Variants in PPP6R1 observed in about 807,000 individuals in gnomAD.
PPP6R1 encodes serine/threonine-protein phosphatase 6 regulatory subunit 1.
A neutral mutation model predicts 104.6 loss-of-function variants in PPP6R1; 39 were observed. That is an observed-to-expected ratio of 0.37 (90% CI 0.29 to 0.49). The LOEUF (loss-of-function observed/expected upper bound fraction) is 0.49. Among genes scored for constraint, PPP6R1 ranks in the 20% least tolerant of loss-of-function variants. The probability of loss-of-function intolerance (pLI) is 0.98; values close to 1 mark genes in which losing one functional copy is unlikely to be tolerated. For synonymous variants in PPP6R1, 549 were observed against 479.0 expected (o/e 1.15, Z -1.91); for missense variants, 1,181 against 1,155.8 (o/e 1.02, Z -0.32).
At chr19:55,234,041 C>A (rs2087372811) in intron 17 of PPP6R1, among the ~76,000 whole-genome samples, 1 of 152,172 alleles carries the variant, frequency 6.6e-6, no homozygotes, top group East Asian at 1.9e-4. Context: ...CCTCTGCCTG[C>A]CAGGTTCAAG....
chr19:55,246,475 C>T (rs1187065484), intron 2 of PPP6R1, among the ~76,000 whole-genome samples: 3 of 150,722 alleles, frequency 2.0e-5, no homozygotes, highest in Non-Finnish European at 4.4e-5. Flanking sequence ...AGTAAAGTGT[C>T]TTCAATAGCA....
At chr19:55,257,773 C>G (rs999062013) in intron 1 of PPP6R1, among the ~76,000 whole-genome samples, 3 of 152,212 alleles carry the variant, frequency 2.0e-5, no homozygotes, top group Non-Finnish European at 4.4e-5. Context: ...CAGGGACCGG[C>G]CCCACCTCCA....
At chr19:55,240,444 A>T in intron 10 of PPP6R1, 144 bp from the exon 11 acceptor site, 1 of 763,158 alleles carries the variant, frequency 1.3e-6, no homozygotes. Context: ...GGAGGGATGC[A>T]AGCTGGGGCT....
Position 55,242,255 on chromosome 19 carries a change from T to G in PPP6R1, c.756A>C (p.Leu252Phe). ...LEKQETIEQLLSNMFEGEQSQ... is the reference protein window; with the variant it reads ...LEKQETIEQLFSNMFEGEQSQ... Reference sequence around the variant, plus strand: ...TCTGCTCCCCCTCGAACATGTTGCTTAAGAGCTGCTCAATCGTCTCCTGCC... The same window carrying G: ...TCTGCTCCCCCTCGAACATGTTGCTGAAGAGCTGCTCAATCGTCTCCTGCC... The change falls in exon 7 of 24, where the codon TTA becomes TTC. Residue 252 changes from leucine (L) to phenylalanine (F), a missense_variant. Leu to Phe is a conservative substitution (Grantham distance 22). Around this residue, in one of 2 missense-constraint regions of PPP6R1, gnomAD observed 1,042 missense variants for 955.6 expected, o/e 1.09. Coordinates refer to ENST00000412770, the MANE Select transcript of PPP6R1 (RefSeq NM_014931.4). 1.2e-6 allele frequency: 2 copies of G among 1,613,796 alleles called. No homozygotes were observed. Among genetic ancestry groups the G allele is most frequent in the Non-Finnish European group, 1.7e-6 (2 of 1,179,850 alleles).
At chr19:55,247,420 C>G in intron 1 of PPP6R1, 1 of 394,350 alleles carries the variant, frequency 2.5e-6, no homozygotes, top group Non-Finnish European at 4.7e-6. Context: ...CCTGAGGCCT[C>G]AGGCCTGGTG....
rs760913678 is a variant in PPP6R1 at position 55,239,868 on chromosome 19, C to A, written c.1521G>T (p.Ser507=). ...TCTTGTTGGTCTCCGCCAGGGGCCC[C>A]GATACGAAGGCTTCCCACTGCTCCT... is the stretch of plus-strand genomic sequence containing the variant. ...EQQEQWEAFV[S]GPLAETNKKN... Residue 507 remains serine, a synonymous_variant, in exon 13 of 24, where the codon TCG becomes TCT. Transcript: ENST00000412770. The A allele has an allele frequency of 1.2e-6, 2 of 1,613,912 alleles. No homozygotes were observed. The highest frequency in any genetic ancestry group is 2.2e-5 in the East Asian group (1 of 44,874).
In PPP6R1 at chr19:55,241,532, T is replaced by G. The variant is rs2087457598; in HGVS notation, c.953A>C (p.His318Pro). The G allele has an allele frequency of 6.3e-7, 1 of 1,581,696 alleles. No individual in the cohort carries two copies. The highest frequency in any genetic ancestry group is 1.8e-5 in the Admixed American group (1 of 54,800). Residue 318 changes from histidine (H) to proline (P), a missense_variant, in exon 8 of 24, where the codon CAC becomes CCC. Physicochemically the swap from His to Pro is moderately conservative, Grantham distance 77 (BLOSUM62 -2). This residue lies in a region of PPP6R1 where 1,042 missense variants were observed against 955.6 expected (regional missense o/e 1.09). Transcript: ENST00000412770. This position sits in a 1 kb window ranked among gnomAD's most constrained non-coding sequence, Gnocchi z 5.4. ...GCAGCTGAGCCGCGGGCGTAGGGCGTGCAAGGCGCCCACACTGGACACAGT... is the reference window on the plus strand; with the variant it reads ...GCAGCTGAGCCGCGGGCGTAGGGCGGGCAAGGCGCCCACACTGGACACAGT... ...ESTVSSVGAL[H>P]ALRPRLSCFH...
chr19:55,232,187 C>T lies in PPP6R1; in HGVS notation c.2013G>A (p.Glu671=). The change falls in exon 18 of 24, where the codon GAG becomes GAA. Residue 671 remains glutamate (E), a synonymous_variant. Transcript: ENST00000412770. Reference sequence around the variant, plus strand: ...CCTCCTCGTCCTCCTCTTCTTCGTCCTCACTGTCTGTGCTGCCTCCACTCC... The same window carrying T: ...CCTCCTCGTCCTCCTCTTCTTCGTCTTCACTGTCTGTGCTGCCTCCACTCC... ...GVRSGGSTDS[E]DEEEEDEEEE... The T allele has an allele frequency of 1.3e-6, 2 of 1,558,968 alleles. No homozygotes were observed. The highest frequency in any genetic ancestry group is 1.7e-6 in the Non-Finnish European group (2 of 1,151,272).
intron 17 of PPP6R1, chr19:55,232,607 C>G (rs909715584): frequency 5.8e-6 from 1 of 173,468 alleles, no homozygotes; most frequent in Admixed American, 6.3e-5. Flanking sequence ...AGCAGGCCCA[C>G]CCTCTGGACA....
At chr19:55,228,987 G>A (rs2087312388), downstream of PPP6R1, 2 of 492,574 alleles carry the variant, frequency 4.1e-6, no homozygotes, top group East Asian at 3.3e-5. Context: ...CCTCCTATCT[G>A]CCTGGGGAGG....
chr19:55,247,472 G>A (rs1235355235), intron 1 of PPP6R1: 1 of 253,878 alleles, frequency 3.9e-6, no homozygotes, highest in Non-Finnish European at 7.7e-6. Context: ...TGCGAGAAGA[G>A]GCTGGACCCT....
intron 1 of PPP6R1, among the ~76,000 whole-genome samples, chr19:55,249,624 C>T (rs531191852): frequency 5.9e-5 from 9 of 152,188 alleles, no homozygotes; most frequent in East Asian, 2.0e-4. Flanking sequence ...GCAGATCACC[C>T]GGGGTCAGGA....
intron 1 of PPP6R1, among the ~76,000 whole-genome samples, chr19:55,247,699 G>A (rs997864798): frequency 3.3e-5 from 5 of 152,216 alleles, no homozygotes; most frequent in African/African-American, 7.2e-5. Context: ...GGCATGGGGC[G>A]GCGGCAGGGG....
In PPP6R1 at chr19:55,258,425, G is replaced by A. The variant is rs898603342; in HGVS notation, c.-7+10C>T. On this transcript the variant is annotated intron_variant, in intron 1 of 23. Coordinates refer to ENST00000412770, the MANE Select transcript of PPP6R1 (RefSeq NM_014931.4). ...TGGAGAGAGAGGGTCGGGCGACGCG[G>A]GCCGCTCACCTGCGAGGGGGGGCGG... is the stretch of plus-strand genomic sequence containing the variant. 6.6e-6 allele frequency: 1 copy of A among 151,618 alleles called. No individual in the cohort carries two copies. Among genetic ancestry groups the A allele is most frequent in the Non-Finnish European group, 1.5e-5 (1 of 67,762 alleles). The allele number at this position is 151,618 out of a possible 1,614,324, so 9.4% of individuals were successfully genotyped here.
intron 1 of PPP6R1, among the ~76,000 whole-genome samples, chr19:55,255,950 C>T (rs1654925629): frequency 6.6e-6 from 1 of 152,236 alleles, no homozygotes; most frequent in Non-Finnish European, 1.5e-5. Flanking sequence ...TCATCTGCCT[C>T]CCCCTGAAAC....
chr19:55,231,714 C>G lies in PPP6R1; in HGVS notation c.2307-46G>C, dbSNP rs73621304. 256 of 1,536,122 alleles carry G rather than the reference C, an allele frequency of 1.7e-4. 1 individual carries two copies. The highest frequency in any genetic ancestry group is 8.1e-5 in the Non-Finnish European group (92 of 1,140,908). ...CCCAAGGGGGCAGCTAGGGTTAGCA[C>G]TCGAGCCTATGAGAGGACGGGGACC... On this transcript the variant is annotated intron_variant, in intron 19 of 23. Transcript: ENST00000412770.
chr19:55,232,990 A>G (rs1315905493), intron 17 of PPP6R1: 1 of 152,208 alleles, frequency 6.6e-6, no homozygotes, highest in Non-Finnish European at 1.5e-5. Flanking sequence ...TATTGTTCCT[A>G]GACTACCGAC....
intron 5 of PPP6R1, among the ~76,000 whole-genome samples, chr19:55,243,541 T>A (rs2087479079): frequency 6.6e-6 from 1 of 151,888 alleles, no homozygotes; most frequent in Admixed American, 6.6e-5. Flanking sequence ...GGTGTGCATC[T>A]CTAGTTCCAG....
chr19:55,249,020 C>T (rs1371164273), intron 1 of PPP6R1, among the ~76,000 whole-genome samples: 2 of 152,196 alleles, frequency 1.3e-5, no homozygotes, highest in Non-Finnish European at 2.9e-5. Flanking sequence ...TGGCAACAAT[C>T]TTGATATAAC....
Sources: gnomAD v4.1 joint callset for allele counts (sites outside exome capture counted in the v4.1 genomes callset) on GRCh38, gnomAD v4.1.1 for gene constraint, gnomAD v4.1.1 regional missense constraint, Gnocchi (gnomAD v3.1) non-coding constraint, MANE v1.5 for transcripts, NCBI Gene and HGNC (gene_info 2026-07-23, HGNC 2026-07-21) for gene names.